Variants in CERT1 observed in about 807,000 individuals in gnomAD.
CERT1 encodes the protein ceramide transporter 1.
Under a neutral mutation model 87.9 loss-of-function variants are expected in CERT1, and 31 were observed. The observed-to-expected ratio is 0.35, with a 90% CI of 0.27 to 0.48. The LOEUF (loss-of-function observed/expected upper bound fraction) is 0.48, where lower values mean the gene tolerates loss of function less well. CERT1 is among the 20% of genes least tolerant of loss of function. The probability of loss-of-function intolerance (pLI) is 0.99; values close to 1 mark genes in which losing one functional copy is unlikely to be tolerated. For synonymous variants in CERT1, 289 were observed against 250.9 expected, an observed-to-expected ratio of 1.15 and a Z score of -1.44; for missense variants, 487 against 758.0, an observed-to-expected ratio of 0.64 and a Z score of 4.20.
intron 3 of CERT1, among the ~76,000 whole-genome samples, chr5:75,452,120 C>G (rs1452548470): frequency 6.6e-6 from 1 of 152,192 alleles, no homozygotes; most frequent in East Asian, 1.9e-4. Context: ...ATTGATGCTT[C>G]ACACATGAAT....
At chr5:75,405,438 C>T (rs2112103082) in intron 8 of CERT1, among the ~76,000 whole-genome samples, 1 of 152,268 alleles carries the variant, frequency 6.6e-6, no homozygotes, top group South Asian at 2.1e-4. Context: ...AAATTCACAG[C>T]CAGACCATCT....
chr5:75,452,911 T>C (rs1764821534), intron 3 of CERT1, among the ~76,000 whole-genome samples: 1 of 152,152 alleles, frequency 6.6e-6, no homozygotes, highest in Non-Finnish European at 1.5e-5. Context: ...CTCCACAGAT[T>C]AAAGCCAGCA....
intron 13 of CERT1, among the ~76,000 whole-genome samples, chr5:75,385,684 C>G (rs1761758546): frequency 6.6e-6 from 1 of 152,200 alleles, no homozygotes; most frequent in Non-Finnish European, 1.5e-5. Context: ...ACCTACCTAT[C>G]ACTGTAGGAT....
At chr5:75,484,846 T>TA (rs1766433201) in intron 2 of CERT1, among the ~76,000 whole-genome samples, 2 of 152,232 alleles carry the variant, frequency 1.3e-5, no homozygotes, top group South Asian at 4.1e-4. Flanking sequence ...ACATCAGACT[T>TA]AATCTATACT....
At chr5:75,490,212 G>A (rs935656592) in intron 2 of CERT1, among the ~76,000 whole-genome samples, 10 of 152,152 alleles carry the variant, frequency 6.6e-5, no homozygotes, top group African/African-American at 2.4e-4. Flanking sequence ...TGGGGACAAG[G>A]GGAGGCATAG....
At chr5:75,435,945 C>T (rs1339633195) in intron 3 of CERT1, among the ~76,000 whole-genome samples, 1 of 152,194 alleles carries the variant, frequency 6.6e-6, no homozygotes, top group Non-Finnish European at 1.5e-5. Flanking sequence ...AGCAGGGTAC[C>T]TGCAGGTGTC....
In CERT1 at chr5:75,384,707, T is replaced by C; in HGVS notation, c.1423A>G (p.Ile475Val). ...GTTTCCACCACATGAAAGTTTTCTA[T>C]AGTTGCTGAAATGAAGAGAATAATA... is the stretch of plus-strand genomic sequence containing the variant. ...VDVRNDWETTIENFHVVETLA... is the reference protein window; with the variant it reads ...VDVRNDWETTVENFHVVETLA... Residue 475 changes from isoleucine to valine, a missense_variant, in exon 14 of 17, where the codon ATA (isoleucine) becomes GTA (valine). This residue lies in a region of CERT1 where 147 missense variants were observed against 200.8 expected (regional missense o/e 0.73). Transcript: ENST00000643780. 5 of 1,576,872 alleles carry C rather than the reference T, an allele frequency of 3.2e-6. No homozygotes were observed. In the South Asian group the frequency reaches 3.3e-5, roughly 11 times the overall value.
chr5:75,509,260 T>G (rs1767802787), intron 1 of CERT1, among the ~76,000 whole-genome samples: 1 of 152,144 alleles, frequency 6.6e-6, no homozygotes, highest in Non-Finnish European at 1.5e-5. Context: ...TTGTTTAAAT[T>G]ACCAGGTGAA....
chr5:75,491,656 G>C lies in CERT1; in HGVS notation c.231+14326C>G, dbSNP rs139534797. ...TGCGGCAATGGGGTAAAAGCATGTAGGACCACTGCACTTGAGTGTGTTACC... is the reference window on the plus strand; with the variant it reads ...TGCGGCAATGGGGTAAAAGCATGTACGACCACTGCACTTGAGTGTGTTACC... On this transcript the variant is annotated intron_variant, in intron 2 of 16. Transcript: ENST00000643780. 6.6e-5 allele frequency among the ~76,000 whole-genome samples: 10 copies of C among 152,226 alleles called. No homozygotes were observed. In the East Asian group the frequency reaches 1.7e-3, roughly 26 times the overall value.
intron 2 of CERT1, among the ~76,000 whole-genome samples, chr5:75,478,659 A>G (rs1271051071): frequency 6.6e-6 from 1 of 152,102 alleles, no homozygotes; most frequent in African/African-American, 2.4e-5. Flanking sequence ...GAGGTTTTCT[A>G]TTTGGATATG....
intron 15 of CERT1, among the ~76,000 whole-genome samples, chr5:75,381,624 C>T (rs1761588932): frequency 6.6e-6 from 1 of 152,092 alleles, no homozygotes; most frequent in East Asian, 1.9e-4. Context: ...TTGTGGTAAA[C>T]CACAGAGGTT....
intron 2 of CERT1, among the ~76,000 whole-genome samples, chr5:75,464,654 C>T (rs1765385826): frequency 6.6e-6 from 1 of 152,176 alleles, no homozygotes; most frequent in Non-Finnish European, 1.5e-5. Flanking sequence ...TGGCTCACTG[C>T]AACCTCTGCC....
At chr5:75,461,162 C>A (rs936544247) in intron 2 of CERT1, among the ~76,000 whole-genome samples, 5 of 152,078 alleles carry the variant, frequency 3.3e-5, no homozygotes, top group Non-Finnish European at 1.5e-5. Flanking sequence ...GGTCACAAAC[C>A]CGTGCCAGTC....
At chr5:75,446,185 C>G (rs1268265331) in intron 3 of CERT1, among the ~76,000 whole-genome samples, 1 of 152,116 alleles carries the variant, frequency 6.6e-6, no homozygotes, top group Non-Finnish European at 1.5e-5. Context: ...AGGCTCTGTT[C>G]ACTTCAATCT....
downstream of CERT1, chr5:75,375,864 A>AG (rs1459174795): frequency 6.6e-6 from 1 of 151,218 alleles, no homozygotes; most frequent in Admixed American, 6.6e-5. Flanking sequence ...AAAAAAAAAA[A>AG]GTTACGTTAC....
downstream of CERT1, chr5:75,376,480 G>A (rs776918297): frequency 4.6e-5 from 7 of 152,230 alleles, no homozygotes; most frequent in Non-Finnish European, 1.0e-4. Flanking sequence ...CCATGGCAAA[G>A]AGACACACAG....
rs114599312 is a variant in CERT1, at chr5:75,435,369, T to G, written c.349-8891A>C. ...TGTTCCTTGGACTGCATTTCAACCT[T>G]CTCTTGTTTGTCAAGGAGCTGCCTT... On this transcript the variant is annotated intron_variant, in intron 3 of 16. Transcript: ENST00000643780. Among the ~76,000 whole-genome samples, 766 of 152,364 alleles carry G rather than the reference T, an allele frequency of 5.0e-3. 5 individuals are homozygous for G. Among genetic ancestry groups the G allele is most frequent in the African/African-American group, 0.017 (717 of 41,586 alleles).
intron 12 of CERT1, 109 bp from the exon 13 acceptor site, chr5:75,386,143 T>C (rs1398683578): frequency 2.4e-6 from 2 of 817,004 alleles, no homozygotes. Flanking sequence ...TGAAAGTCTA[T>C]TTATAGAACA....
chr5:75,378,042 A>C lies in CERT1; in HGVS notation c.*1304T>G, dbSNP rs1014602216. ...CATTCTCCCACCTCAGTCTCCCAAA[A>C]AGTGTTGGGATTACAGGTGTGACCC... On this transcript the variant is annotated 3_prime_UTR_variant, in exon 17 of 17. Coordinates refer to ENST00000643780, the MANE Select transcript of CERT1 (RefSeq NM_001379029.1). 1 of 152,164 alleles carries C rather than the reference A, an allele frequency of 6.6e-6. No individual in the cohort carries two copies. The highest frequency in any genetic ancestry group is 1.5e-5 in the Non-Finnish European group (1 of 68,054). 9.4% of individuals were successfully genotyped at this position (152,164 alleles called of 1,614,324 possible). A position where few individuals can be genotyped will look rare whatever the true frequency, so the allele number is the denominator to read the frequency against.
Sources: allele counts gnomAD v4.1 joint callset (sites outside exome capture counted in the v4.1 genomes callset), GRCh38; gene constraint gnomAD v4.1.1; regional missense constraint gnomAD v4.1.1; transcripts MANE v1.5; gene names NCBI Gene and HGNC (gene_info 2026-07-23, HGNC 2026-07-21).